The following FLRT2 variants were observed in gnomAD, a reference collection of about 807,000 sequenced individuals.
FLRT2 encodes leucine-rich repeat transmembrane protein FLRT2.
A neutral mutation model predicts 40.0 loss-of-function variants in FLRT2; 15 were observed. The ratio of observed to expected loss-of-function variants is 0.38; its 90% confidence interval spans 0.25 to 0.58. The LOEUF is 0.58. Among genes scored for constraint, FLRT2 ranks in the 20% least tolerant of loss-of-function variants. FLRT2 has a pLI of 0.71. For synonymous variants in FLRT2, 380 were observed against 336.8 expected, an observed-to-expected ratio of 1.13 and a Z score of -1.41; for missense variants, 726 against 840.0, an observed-to-expected ratio of 0.86 and a Z score of 1.68.
rs1566774415 is a variant in FLRT2, at chr14:85,643,311, C to CTTTCTTTA, written c.*19821_*19822insATTTCTTT. The CTTTCTTTA allele has an allele frequency of 6.1e-5, 6 of 98,622 alleles. 1 individual carries two copies. Among genetic ancestry groups the CTTTCTTTA allele is most frequent in the Admixed American group, 4.2e-4 (4 of 9,620 alleles). The allele number at this position is 98,622 out of a possible 1,614,324, so 6.1% of individuals were successfully genotyped here. On this transcript the variant is annotated 3_prime_UTR_variant, in exon 2 of 2. Coordinates refer to ENST00000330753, the MANE Select transcript of FLRT2 (RefSeq NM_013231.6). ...CTTTTTTTTCTTTCTTTCTTTCTTT[C>CTTTCTTTA]TTTCTTTCTTTCTTTCTTTCTTTCT...
chr14:85,601,115 G>T (rs1463871974), intron 1 of FLRT2, among the ~76,000 whole-genome samples: 2 of 152,158 alleles, frequency 1.3e-5, no homozygotes, highest in African/African-American at 4.8e-5. Flanking sequence ...ACCAGGGAGG[G>T]ACTAAGGTAC....
chr14:85,568,605 T>C (rs568140613), intron 1 of FLRT2, among the ~76,000 whole-genome samples: 1 of 152,060 alleles, frequency 6.6e-6, no homozygotes, highest in Non-Finnish European at 1.5e-5. Context: ...TCCTGCTTTT[T>C]TGTTGTTGTT....
In FLRT2 at chr14:85,649,723, T is replaced by C. The variant is rs1894388840; in HGVS notation, c.*26226T>C. On this transcript the variant is annotated 3_prime_UTR_variant, in exon 2 of 2. Coordinates refer to ENST00000330753, the MANE Select transcript of FLRT2 (RefSeq NM_013231.6). ...AATTTAATGAACCTTATATCATTAA[T>C]ATTTTTGTGTCAATGGTGAGTTCTT... The C allele has an allele frequency of 6.6e-6, 1 of 152,136 alleles. No individual in the cohort carries two copies. Among genetic ancestry groups the C allele is most frequent in the South Asian group, 2.1e-4 (1 of 4,834 alleles). 9.4% of individuals were successfully genotyped at this position (152,136 alleles called of 1,614,324 possible).
chr14:85,614,080 G>A (rs1205436891), intron 1 of FLRT2, among the ~76,000 whole-genome samples: 1 of 152,106 alleles, frequency 6.6e-6, no homozygotes, highest in Non-Finnish European at 1.5e-5. Context: ...AATGTTCTAA[G>A]TGATTTACAG....
intron 1 of FLRT2, among the ~76,000 whole-genome samples, chr14:85,557,100 C>T (rs1386003097): frequency 6.6e-6 from 1 of 152,068 alleles, no homozygotes; most frequent in African/African-American, 2.4e-5. Context: ...TGGGTCCCTC[C>T]CACAACACAT....
chr14:85,539,640 C>G (rs1417258896), intron 1 of FLRT2, among the ~76,000 whole-genome samples: 1 of 152,170 alleles, frequency 6.6e-6, no homozygotes, highest in Non-Finnish European at 1.5e-5. Flanking sequence ...ACTTAATTTC[C>G]TCTCTACAGA....
rs575247066 is a variant in FLRT2, at chr14:85,634,314, C to T, written c.*10817C>T. The stretch of plus-strand genomic sequence containing the variant: ...ATTTGGCAAGTAGTATCAATGGGTA[C>T]TGGCATTCCTGTGGTCTGCTGCCAA... On this transcript the variant is annotated 3_prime_UTR_variant, in exon 2 of 2. Transcript: ENST00000330753. The T allele has an allele frequency of 6.6e-6, 1 of 152,316 alleles. No homozygotes were observed. The highest frequency in any genetic ancestry group is 2.4e-5 in the African/African-American group (1 of 41,576). 9.4% of individuals were successfully genotyped at this position (152,316 alleles called of 1,614,324 possible).
intron 1 of FLRT2, among the ~76,000 whole-genome samples, chr14:85,539,061 G>A (rs1439611061): frequency 2.0e-5 from 3 of 152,080 alleles, no homozygotes; most frequent in East Asian, 1.9e-4. Context: ...GGCCATAGAG[G>A]TTCCAGGAAT....
chr14:85,583,258 C>T (rs1891470776), intron 1 of FLRT2, among the ~76,000 whole-genome samples: 1 of 152,128 alleles, frequency 6.6e-6, no homozygotes, highest in African/African-American at 2.4e-5. Context: ...ATTTTGTATA[C>T]TGTGTTGTAA....
intron 1 of FLRT2, among the ~76,000 whole-genome samples, chr14:85,598,473 C>T (rs1892235849): frequency 6.6e-6 from 1 of 152,190 alleles, no homozygotes; most frequent in East Asian, 1.9e-4. Context: ...GCACAAGTGA[C>T]ACCAGATACT....
chr14:85,586,262 G>A (rs1206978000), intron 1 of FLRT2, among the ~76,000 whole-genome samples: 1 of 151,824 alleles, frequency 6.6e-6, no homozygotes, highest in Non-Finnish European at 1.5e-5. Flanking sequence ...AGAGGTTAGT[G>A]AAGTAACTTG....
chr14:85,612,004 C>T (rs1395603591), intron 1 of FLRT2, among the ~76,000 whole-genome samples: 2 of 125,530 alleles, frequency 1.6e-5, no homozygotes, highest in Non-Finnish European at 3.2e-5. Flanking sequence ...CCTCTGGTGG[C>T]CATTATATGC....
At chr14:85,578,136 A>G (rs1484059727) in intron 1 of FLRT2, among the ~76,000 whole-genome samples, 1 of 146,048 alleles carries the variant, frequency 6.8e-6, no homozygotes, top group Non-Finnish European at 1.5e-5. Flanking sequence ...ATCTGTATAT[A>G]TATATTTATA....
rs554351861 is a variant in FLRT2 at position 85,587,390 on chromosome 14, C to T, written c.-376-33749C>T. On this transcript the variant is annotated intron_variant, in intron 1 of 1. Transcript: ENST00000330753. ...CCAATAGCGCCAAAGAATTCCTACGCAAAAGCTACTTCAGCTGTCCGAGAT... is the reference window on the plus strand; with the variant it reads ...CCAATAGCGCCAAAGAATTCCTACGTAAAAGCTACTTCAGCTGTCCGAGAT... Among the ~76,000 whole-genome samples the T allele has an allele frequency of 4.0e-4, 61 of 152,030 alleles. 2 individuals carry two copies. In the South Asian group the frequency reaches 0.012, roughly 30 times the overall value.
At chr14:85,543,874 A>T (rs1658840027) in intron 1 of FLRT2, among the ~76,000 whole-genome samples, 1 of 151,972 alleles carries the variant, frequency 6.6e-6, no homozygotes, top group African/African-American at 2.4e-5. Flanking sequence ...TTGAACTTTG[A>T]TTGGTTCTCT....
At chr14:85,578,206 A>C (rs937788512) in intron 1 of FLRT2, among the ~76,000 whole-genome samples, 1 of 145,926 alleles carries the variant, frequency 6.9e-6, no homozygotes, top group Non-Finnish European at 1.5e-5. Context: ...ATATTTATAT[A>C]TAAATATACG....
At chr14:85,580,673 A>T (rs1891345270) in intron 1 of FLRT2, among the ~76,000 whole-genome samples, 1 of 152,164 alleles carries the variant, frequency 6.6e-6, no homozygotes, top group South Asian at 2.1e-4. Context: ...CTGCTATATG[A>T]TGAGCTATCA....
intron 1 of FLRT2, chr14:85,561,154 C>G (rs1890292334): frequency 6.6e-6 from 1 of 152,082 alleles, no homozygotes; most frequent in South Asian, 2.1e-4. Context: ...GTTGCACAAC[C>G]CCGTGATTTG....
At chr14:85,533,912 C>A (rs1458423927) in intron 1 of FLRT2, among the ~76,000 whole-genome samples, 1 of 152,090 alleles carries the variant, frequency 6.6e-6, no homozygotes, top group Non-Finnish European at 1.5e-5. Flanking sequence ...GAGGACCCAG[C>A]AAAAGTTTGG....
Sources: gnomAD v4.1 joint callset for allele counts (sites outside exome capture counted in the v4.1 genomes callset) on GRCh38, gnomAD v4.1.1 for gene constraint, MANE v1.5 for transcripts, NCBI Gene and HGNC (gene_info 2026-07-23, HGNC 2026-07-21) for gene names.